SUCO: variants seen among roughly 807,000 people sequenced by gnomAD.
The protein encoded by SUCO is SUN domain containing ossification factor, also known as SUN domain-containing ossification factor.
SUCO carries 57 observed loss-of-function variants against 148.1 expected under a neutral mutation model. The ratio of observed to expected loss-of-function variants is 0.38; its 90% CI spans 0.31 to 0.48. SUCO has a LOEUF of 0.48. Among genes scored for constraint, SUCO ranks in the 20% least tolerant of loss-of-function variants. The pLI is 0.96. For missense variants in SUCO, 1,331 were observed against 1,468.2 expected (o/e 0.91, Z 1.53); for synonymous variants, 470 against 502.7 (o/e 0.93, Z 0.87).
chr1:172,608,439 A>C, intron 22 of SUCO: 4 of 347,158 alleles, frequency 1.2e-5, no homozygotes, highest in Non-Finnish European at 1.6e-5. Flanking sequence ...TAAAAGAGTG[A>C]GGCTGGGCCC....
chr1:172,592,707 G>A (rs1354075329), intron 19 of SUCO, among the ~76,000 whole-genome samples: 2 of 152,162 alleles, frequency 1.3e-5, no homozygotes, highest in Non-Finnish European at 2.9e-5. Context: ...AAGTCAGGTA[G>A]CATGATGCCT....
At chr1:172,608,118 TAATA>T (rs1558218426) in intron 22 of SUCO, 3 of 980,034 alleles carry the variant, frequency 3.1e-6, no homozygotes, top group Non-Finnish European at 2.4e-6. Flanking sequence ...GGGCTAAAAC[TAATA>T]AATCTAATTT....
At position 172,609,953 on chromosome 1, in the gene SUCO, TTA is replaced by T; in HGVS notation, c.3461_3462del (p.Tyr1154SerfsTer5). 6.2e-7 allele frequency: 1 copy of T among 1,613,916 alleles called. No homozygotes were observed. The highest frequency in any genetic ancestry group is 8.5e-7 in the Non-Finnish European group (1 of 1,179,870). The stretch of plus-strand genomic sequence containing the variant: ...GAGATTTTTCTAATATGGGAGAAGT[TTA>T]TCACTCTTCTTATAAAGGTCCTCCA... ...QRDFSNMGEVYHSSYKGPPSE... is the reference protein window; with the variant it reads ...QRDFSNMGEVXHSSYKGPPSE... On this transcript the variant is annotated frameshift_variant, in exon 24 of 24. Transcript: ENST00000263688. LOFTEE classifies it high-confidence loss of function.
chr1:172,581,354 A>C (rs1655872920), intron 15 of SUCO, among the ~76,000 whole-genome samples: 1 of 152,156 alleles, frequency 6.6e-6, no homozygotes, highest in Non-Finnish European at 1.5e-5. Flanking sequence ...GATGGGTGGG[A>C]GGATGTCAGC....
chr1:172,551,695 A>G, intron 2 of SUCO, 69 bp downstream of exon 2: 2 of 977,684 alleles, frequency 2.0e-6, no homozygotes, highest in Middle Eastern at 2.9e-4. Context: ...AACATTCAGA[A>G]TAAAAGTAAT....
chr1:172,573,153 A>G (rs1368145940), intron 9 of SUCO, among the ~76,000 whole-genome samples: 2 of 152,214 alleles, frequency 1.3e-5, no homozygotes, highest in East Asian at 3.8e-4. Flanking sequence ...CATCACCACA[A>G]TAAAGATAAC....
chr1:172,548,783 G>A (rs972613419), intron 1 of SUCO, among the ~76,000 whole-genome samples: 3 of 151,782 alleles, frequency 2.0e-5, no homozygotes, highest in Non-Finnish European at 4.4e-5. Flanking sequence ...GTTTACTATC[G>A]GTATTTGGGA....
chr1:172,542,251 G>A (rs562742283), intron 1 of SUCO, among the ~76,000 whole-genome samples: 7 of 152,048 alleles, frequency 4.6e-5, no homozygotes, highest in Middle Eastern at 3.2e-3. Flanking sequence ...GCATGGTAGC[G>A]CATGCCTGTA....
At chr1:172,596,767 C>T (rs989815053) in intron 19 of SUCO, among the ~76,000 whole-genome samples, 2 of 152,228 alleles carry the variant, frequency 1.3e-5, no homozygotes, top group South Asian at 2.1e-4. Flanking sequence ...TCTGTTCATT[C>T]TCAGATCTCA....
chr1:172,533,373 C>G lies in SUCO; in HGVS notation c.-63C>G, dbSNP rs1651751839. On this transcript the variant is annotated 5_prime_UTR_variant, in exon 1 of 24. Transcript: ENST00000263688. ...CCTGCTCCGGCTCCTCCATCTTGGC[C>G]TCGGCAGTGGCGGCTGCCGGGAGGA... 3 of 1,551,894 alleles carry G rather than the reference C, an allele frequency of 1.9e-6. No homozygotes were observed. Among genetic ancestry groups the G allele is most frequent in the Non-Finnish European group, 2.6e-6 (3 of 1,147,128 alleles).
rs952144206 is a variant in SUCO, at chr1:172,553,193, C to T, written c.178-67C>T. On this transcript the variant is annotated intron_variant, in intron 2 of 23. Coordinates refer to ENST00000263688, the MANE Select transcript of SUCO (RefSeq NM_014283.5). ...TTAAAGTATGGAAAAAAACCATCTT[C>T]GTATTGCTTTATAACTGTTTTGTAA... 23 of 1,408,294 alleles carry T rather than the reference C, an allele frequency of 1.6e-5. No individual in the cohort carries two copies. In the Admixed American group the frequency reaches 3.3e-4, roughly 20 times the overall value. The allele number at this position is 1,408,294 out of a possible 1,614,324, so 87.2% of individuals were successfully genotyped here. A position where few individuals can be genotyped will look rare whatever the true frequency, so the allele number is the denominator to read the frequency against.
intron 6 of SUCO, among the ~76,000 whole-genome samples, chr1:172,562,070 T>TA (rs1037615788): frequency 6.6e-6 from 1 of 151,676 alleles, no homozygotes; most frequent in Non-Finnish European, 1.5e-5. Flanking sequence ...TACACATCAA[T>TA]AAAAAAACAA....
At chr1:172,587,173 A>G (rs1558201785) in intron 17 of SUCO, among the ~76,000 whole-genome samples, 1 of 152,012 alleles carries the variant, frequency 6.6e-6, no homozygotes, top group Admixed American at 6.6e-5. Context: ...ATTTTTCCAT[A>G]TTAGTTTTTT....
At chr1:172,580,104 G>A (rs1056124539) in intron 15 of SUCO, among the ~76,000 whole-genome samples, 3 of 152,112 alleles carry the variant, frequency 2.0e-5, no homozygotes, top group African/African-American at 4.8e-5. Flanking sequence ...GATATTTTGT[G>A]TAGCCACAGT....
At chr1:172,593,960 A>T (rs1287298002) in intron 19 of SUCO, among the ~76,000 whole-genome samples, 1 of 152,074 alleles carries the variant, frequency 6.6e-6, no homozygotes, top group East Asian at 1.9e-4. Flanking sequence ...AGAGCCTGTT[A>T]TTGGTCTATT....
chr1:172,585,121 G>C (rs576766058), intron 16 of SUCO, 35 bp downstream of exon 16: 1 of 1,441,950 alleles, frequency 6.9e-7, no homozygotes, highest in East Asian at 2.4e-5. Flanking sequence ...TTAAATAGCT[G>C]GTACTCCAGG....
At chr1:172,569,738 A>G (rs1039865611) in intron 7 of SUCO, among the ~76,000 whole-genome samples, 3 of 152,280 alleles carry the variant, frequency 2.0e-5, no homozygotes, top group Admixed American at 1.3e-4. Flanking sequence ...CATCCTTAAT[A>G]GATGTTTATA....
intron 1 of SUCO, among the ~76,000 whole-genome samples, chr1:172,537,293 A>T (rs1652097840): frequency 6.6e-6 from 1 of 152,098 alleles, no homozygotes; most frequent in African/African-American, 2.4e-5. Context: ...AAAAAATAAT[A>T]ATTTCTGTTA....
At chr1:172,559,555 C>T (rs552137995) in intron 6 of SUCO, among the ~76,000 whole-genome samples, 12 of 152,228 alleles carry the variant, frequency 7.9e-5, no homozygotes, top group Non-Finnish European at 1.6e-4. Context: ...ACAGCAGCAG[C>T]AGCAGAGGTA....
Sources: allele counts gnomAD v4.1 joint callset (sites outside exome capture counted in the v4.1 genomes callset), GRCh38; gene constraint gnomAD v4.1.1; transcripts MANE v1.5; gene names NCBI Gene and HGNC (gene_info 2026-07-23, HGNC 2026-07-21).